NELL1: variants seen among roughly 807,000 people sequenced by gnomAD.
NELL1 encodes neural EGFL like 1.
NELL1 carries 76 observed loss-of-function variants against 107.4 expected under a neutral mutation model. That is an observed-to-expected ratio of 0.71 (90% confidence interval 0.59 to 0.86). The LOEUF is 0.86. Among genes scored for constraint, NELL1 ranks in the 40% least tolerant of loss-of-function variants. NELL1 has a pLI of 0.00. For synonymous variants in NELL1, 353 were observed against 341.2 expected (o/e 1.03, Z -0.38); for missense variants, 1,024 against 1,005.5 (o/e 1.02, Z -0.25).
chr11:21,218,643 A>C (rs140586260), intron 13 of NELL1, among the ~76,000 whole-genome samples: 1 of 152,066 alleles, frequency 6.6e-6, no homozygotes, highest in East Asian at 1.9e-4. Context: ...ATCCTCCTCT[A>C]TCTACTATCT....
intron 16 of NELL1, among the ~76,000 whole-genome samples, chr11:21,542,183 T>A (rs1856308058): frequency 6.6e-6 from 1 of 152,050 alleles, no homozygotes; most frequent in Admixed American, 6.6e-5. Flanking sequence ...CCTCTTACTA[T>A]CCCCATTGTA....
intron 13 of NELL1, among the ~76,000 whole-genome samples, chr11:21,193,960 C>T (rs182243141): frequency 1.3e-5 from 2 of 151,964 alleles, no homozygotes; most frequent in East Asian, 3.9e-4. Flanking sequence ...AGGAGTCTCA[C>T]AGATGTGGAT....
In NELL1 at chr11:20,679,696, C is replaced by G. The variant is rs561350496; in HGVS notation, c.184+1636C>G. Among the ~76,000 whole-genome samples the G allele has an allele frequency of 1.4e-3, 218 of 152,236 alleles. 2 individuals carry two copies. Among genetic ancestry groups the G allele is most frequent in the Middle Eastern group, 3.4e-3 (1 of 294 alleles). ...GTCTTAATCCATCATAGCAACAACT[C>G]ATGCTGATACTTTATAAACAAAGTT... On this transcript the variant is annotated intron_variant, in intron 2 of 19. Transcript: ENST00000357134.
At chr11:20,954,327 C>G (rs529165832) in intron 11 of NELL1, among the ~76,000 whole-genome samples, 2 of 152,282 alleles carry the variant, frequency 1.3e-5, no homozygotes, top group East Asian at 3.9e-4. Context: ...CTTTCTTCTT[C>G]CTCTTTGGTT....
chr11:21,273,181 G>C (rs1022924857), intron 14 of NELL1, among the ~76,000 whole-genome samples: 3 of 152,128 alleles, frequency 2.0e-5, no homozygotes, highest in African/African-American at 7.2e-5. Context: ...TGGCTAACTA[G>C]AATAACCAAT....
At chr11:21,448,909 C>T (rs1008827010) in intron 15 of NELL1, among the ~76,000 whole-genome samples, 1 of 152,110 alleles carries the variant, frequency 6.6e-6, no homozygotes, top group Admixed American at 6.6e-5. Flanking sequence ...CTTTTTAATA[C>T]CAAATAGTAT....
chr11:21,033,747 G>A (rs1270238314), intron 12 of NELL1, among the ~76,000 whole-genome samples: 1 of 152,000 alleles, frequency 6.6e-6, no homozygotes, highest in Non-Finnish European at 1.5e-5. Flanking sequence ...ATTCCTTTGG[G>A]TATATACCCA....
intron 13 of NELL1, among the ~76,000 whole-genome samples, chr11:21,119,934 C>T (rs965024533): frequency 4.6e-5 from 7 of 152,046 alleles, no homozygotes; most frequent in African/African-American, 1.4e-4. Context: ...TGATTTACAA[C>T]AAAAGCATGC....
intron 10 of NELL1, among the ~76,000 whole-genome samples, chr11:20,943,318 G>A (rs1022738653): frequency 2.2e-4 from 34 of 151,648 alleles, no homozygotes; most frequent in African/African-American, 6.1e-4. Flanking sequence ...TATTTATCTC[G>A]GCCGGGCATG....
At chr11:21,174,468 A>G (rs556335895) in intron 13 of NELL1, among the ~76,000 whole-genome samples, 1 of 151,980 alleles carries the variant, frequency 6.6e-6, no homozygotes, top group Admixed American at 6.5e-5. Context: ...AATTGAAATA[A>G]TCAGATGGTC....
intron 2 of NELL1, among the ~76,000 whole-genome samples, chr11:20,726,827 A>G (rs961366944): frequency 2.7e-5 from 4 of 147,880 alleles, no homozygotes; most frequent in African/African-American, 1.0e-4. Flanking sequence ...GTTCCCACCT[A>G]TGAGTGAGAA....
At chr11:20,831,036 ATTGT>A in intron 3 of NELL1, among the ~76,000 whole-genome samples, 1 of 152,294 alleles carries the variant, frequency 6.6e-6, no homozygotes, top group Non-Finnish European at 1.5e-5. Context: ...TTTGAGAGTC[ATTGT>A]TTGGCAAACT....
chr11:20,707,295 G>C (rs1590221964), intron 2 of NELL1, among the ~76,000 whole-genome samples: 1 of 152,140 alleles, frequency 6.6e-6, no homozygotes, highest in East Asian at 1.9e-4. Context: ...GCCTCTTTGT[G>C]ATGGGTTTGA....
At chr11:21,143,708 C>T (rs1050140698) in intron 13 of NELL1, among the ~76,000 whole-genome samples, 2 of 152,124 alleles carry the variant, frequency 1.3e-5, no homozygotes, top group Non-Finnish European at 2.9e-5. Context: ...CATTGGGTTT[C>T]TATGGTTGTG....
chr11:20,878,512 C>T (rs147196774), intron 4 of NELL1, among the ~76,000 whole-genome samples: 19 of 152,018 alleles, frequency 1.2e-4, no homozygotes, highest in East Asian at 3.9e-4. Flanking sequence ...ATCTCTTTTC[C>T]GGGTGAGAGA....
chr11:21,464,402 CAAAAAA>C (rs60770584), intron 15 of NELL1, among the ~76,000 whole-genome samples: 14 of 136,092 alleles, frequency 1.0e-4, no homozygotes, highest in Non-Finnish European at 1.4e-4. Flanking sequence ...ATGTCCGTGG[CAAAAAA>C]AAAAAAAAAA....
At chr11:21,413,666 C>T (rs1852433567) in intron 15 of NELL1, among the ~76,000 whole-genome samples, 1 of 151,988 alleles carries the variant, frequency 6.6e-6, no homozygotes, top group East Asian at 1.9e-4. Context: ...ACACCTGTTC[C>T]AAGGTGGCCC....
At chr11:21,533,717 T>A (rs1470458998) in intron 15 of NELL1, among the ~76,000 whole-genome samples, 1 of 152,200 alleles carries the variant, frequency 6.6e-6, no homozygotes, top group Non-Finnish European at 1.5e-5. Flanking sequence ...GAATCTCTGA[T>A]GGACTAGCAT....
intron 12 of NELL1, among the ~76,000 whole-genome samples, chr11:21,100,831 T>G (rs747335057): frequency 7.2e-5 from 11 of 152,208 alleles, no homozygotes; most frequent in Non-Finnish European, 1.5e-4. Flanking sequence ...TGTTTCTTTC[T>G]TTCTTTCTTT....
Sources: allele counts gnomAD v4.1 joint callset (sites outside exome capture counted in the v4.1 genomes callset), GRCh38; gene constraint gnomAD v4.1.1; transcripts MANE v1.5; gene names NCBI Gene and HGNC (gene_info 2026-07-23, HGNC 2026-07-21).